The following ADGRL4 variants were observed in gnomAD, a reference collection of about 807,000 sequenced individuals.
The protein encoded by ADGRL4 is adhesion G protein-coupled receptor L4, also known as EGF, latrophilin and seven transmembrane domain containing 1.
ADGRL4 carries 90 observed loss-of-function variants against 74.8 expected under a neutral mutation model. The ratio of observed to expected loss-of-function variants is 1.20; its 90% CI spans 1.02 to 1.43. ADGRL4 has a LOEUF of 1.43. Ranked by LOEUF, ADGRL4 falls within the 40% of genes most tolerant of loss-of-function variation. The pLI is 0.00. For missense variants in ADGRL4, 881 were observed against 814.3 expected, an observed-to-expected ratio of 1.08 and a Z score of -1.00; for synonymous variants, 311 against 279.2, an observed-to-expected ratio of 1.11 and a Z score of -1.14.
At chr1:78,975,631 A>C (rs867723448) in intron 2 of ADGRL4, among the ~76,000 whole-genome samples, 9 of 151,970 alleles carry the variant, frequency 5.9e-5, no homozygotes, top group East Asian at 5.8e-4. Flanking sequence ...TGATATTTAC[A>C]TGAATTGTTA....
Position 78,920,309 on chromosome 1 carries a change from G to A in ADGRL4, c.1335C>T (p.Cys445=). 6.2e-7 allele frequency: 1 copy of A among 1,610,942 alleles called. No individual in the cohort carries two copies. Among genetic ancestry groups the A allele is most frequent in the Admixed American group, 1.7e-5 (1 of 59,866 alleles). ...IIISLICLAI[C]IFTFWFFSEI... is the part of the protein sequence containing the mutation. ...CACTGAAGAACCAGAAGGTAAAAAT[G>A]CATATGGCAAGACAAATCAGTGAAA... The change falls in exon 10 of 15, where the codon TGC becomes TGT. Residue 445 remains cysteine, a synonymous_variant. Transcript: ENST00000370742.
At chr1:78,911,599 A>C (rs1648763760) in intron 12 of ADGRL4, among the ~76,000 whole-genome samples, 1 of 76,620 alleles carries the variant, frequency 1.3e-5, no homozygotes, top group Non-Finnish European at 2.6e-5. Flanking sequence ...CTAATATTTT[A>C]AAAATCAAGA....
intron 12 of ADGRL4, among the ~76,000 whole-genome samples, chr1:78,896,415 GA>G (rs1252034180): frequency 6.6e-6 from 1 of 152,022 alleles, no homozygotes; most frequent in Non-Finnish European, 1.5e-5. Flanking sequence ...GTGAGTTAAA[GA>G]AAAGTCAAAA....
chr1:78,988,385 G>A (rs1420931333), intron 2 of ADGRL4, among the ~76,000 whole-genome samples: 4 of 151,754 alleles, frequency 2.6e-5, no homozygotes, highest in African/African-American at 9.7e-5. Context: ...TTCCTTCACA[G>A]AATTCATATT....
intron 2 of ADGRL4, among the ~76,000 whole-genome samples, chr1:78,964,082 G>A (rs1270557399): frequency 2.0e-5 from 3 of 152,036 alleles, no homozygotes; most frequent in Admixed American, 1.3e-4. Flanking sequence ...AATACATGAT[G>A]CCTTATTTTC....
intron 7 of ADGRL4, among the ~76,000 whole-genome samples, chr1:78,932,814 G>A (rs1649272267): frequency 6.6e-6 from 1 of 151,276 alleles, no homozygotes; most frequent in Non-Finnish European, 1.5e-5. Context: ...AAAAAAACTA[G>A]AATATCTAGA....
chr1:78,999,850 A>ACCTG (rs1650806519), intron 2 of ADGRL4, among the ~76,000 whole-genome samples: 3 of 151,866 alleles, frequency 2.0e-5, no homozygotes, highest in African/African-American at 7.3e-5. Context: ...CTACCTACCT[A>ACCTG]CCTACCTATC....
intron 8 of ADGRL4, among the ~76,000 whole-genome samples, chr1:78,923,028 G>A (rs2100674105): frequency 6.6e-6 from 1 of 152,100 alleles, no homozygotes; most frequent in Non-Finnish European, 1.5e-5. Context: ...AAAACTGTGA[G>A]TTTGTCTGGA....
intron 12 of ADGRL4, among the ~76,000 whole-genome samples, chr1:78,914,286 T>TA (rs1337742331): frequency 1.3e-5 from 2 of 151,956 alleles, no homozygotes; most frequent in Non-Finnish European, 2.9e-5. Flanking sequence ...ACTTATATTG[T>TA]AATTATATAC....
At chr1:78,899,848 G>T (rs1166364189) in intron 12 of ADGRL4, among the ~76,000 whole-genome samples, 1 of 151,832 alleles carries the variant, frequency 6.6e-6, no homozygotes, top group Non-Finnish European at 1.5e-5. Flanking sequence ...CAGAAAATTG[G>T]GTGTGTGTAA....
intron 12 of ADGRL4, among the ~76,000 whole-genome samples, chr1:78,895,047 A>AT (rs902442053): frequency 1.4e-4 from 21 of 152,008 alleles, no homozygotes; most frequent in Non-Finnish European, 2.5e-4. Context: ...TTGAAAGTAC[A>AT]TTTTTTCTGT....
At chr1:79,001,787 T>C (rs996278206) in intron 2 of ADGRL4, among the ~76,000 whole-genome samples, 4 of 152,164 alleles carry the variant, frequency 2.6e-5, no homozygotes, top group Non-Finnish European at 5.9e-5. Context: ...GGGGATACGA[T>C]AAATATTGTA....
Position 78,983,853 on chromosome 1 carries a change from C to A in ADGRL4, c.172+21217G>T, listed in dbSNP as rs935418493. ...ACGAAGAAAAAGATACATGAGGACA[C>A]TTTAAACAGTAACAACTAGAAAATA... On this transcript the variant is annotated intron_variant, in intron 2 of 14. Transcript: ENST00000370742. Among the ~76,000 whole-genome samples, 6 of 151,736 alleles carry A rather than the reference C, an allele frequency of 4.0e-5. No individual in the cohort carries two copies. The Admixed American group carries it at 4.0e-4, about 10-fold the overall frequency.
chr1:78,998,410 G>T (rs370811774), intron 2 of ADGRL4, among the ~76,000 whole-genome samples: 14 of 111,818 alleles, frequency 1.3e-4, no homozygotes, highest in African/African-American at 4.2e-4. Context: ...TTGCTCTGTT[G>T]CCAGGCTGGA....
chr1:78,895,305 T>G (rs986039853), intron 12 of ADGRL4, among the ~76,000 whole-genome samples: 2 of 152,038 alleles, frequency 1.3e-5, no homozygotes, highest in African/African-American at 4.8e-5. Context: ...AGAATTTTTT[T>G]AAAGGGCCTA....
chr1:78,980,443 C>T (rs1268979418), intron 2 of ADGRL4, among the ~76,000 whole-genome samples: 1 of 151,752 alleles, frequency 6.6e-6, no homozygotes, highest in Non-Finnish European at 1.5e-5. Context: ...TCATTGTCTC[C>T]AACAGAGGCC....
At chr1:78,920,537 A>C (rs1648975993) in intron 9 of ADGRL4, 151 bp from the exon 10 acceptor site, 2 of 591,196 alleles carry the variant, frequency 3.4e-6, no homozygotes, top group Non-Finnish European at 5.8e-6. Context: ...GATGAGAAAA[A>C]TTTTGTACTT....
At chr1:78,971,545 G>A (rs1650166331) in intron 2 of ADGRL4, among the ~76,000 whole-genome samples, 1 of 152,136 alleles carries the variant, frequency 6.6e-6, no homozygotes, top group Non-Finnish European at 1.5e-5. Context: ...AAGCACACTA[G>A]CAGGACTCTG....
intron 2 of ADGRL4, among the ~76,000 whole-genome samples, chr1:78,999,514 A>G (rs1650791220): frequency 6.6e-6 from 1 of 152,140 alleles, no homozygotes; most frequent in Non-Finnish European, 1.5e-5. Flanking sequence ...CGGAGCTGGC[A>G]GTAAGCTGAG....
Sources: allele counts gnomAD v4.1 joint callset (sites outside exome capture counted in the v4.1 genomes callset), GRCh38; gene constraint gnomAD v4.1.1; transcripts MANE v1.5; gene names NCBI Gene and HGNC (gene_info 2026-07-23, HGNC 2026-07-21).